TGM3: variants seen among roughly 807,000 people sequenced by gnomAD.
TGM3 encodes transglutaminase 3, also known as protein-glutamine gamma-glutamyltransferase E.
TGM3 carries 52 observed loss-of-function variants against 73.8 expected under a neutral mutation model. The ratio of observed to expected loss-of-function variants is 0.70; its 90% confidence interval spans 0.56 to 0.89. The LOEUF (loss-of-function observed/expected upper bound fraction) is 0.89, where lower values mean the gene tolerates loss of function less well. Among genes scored for constraint, TGM3 ranks in the 40% least tolerant of loss-of-function variants. The probability of loss-of-function intolerance (pLI) is 0.00; values close to 1 mark genes in which losing one functional copy is unlikely to be tolerated. For missense variants in TGM3, 928 were observed against 909.9 expected (o/e 1.02, Z -0.26); for synonymous variants, 372 against 354.9 (o/e 1.05, Z -0.54).
In TGM3 at chr20:2,332,105, G is replaced by T; in HGVS notation, c.1437G>T (p.Gln479His). The T allele has an allele frequency of 6.2e-7, 1 of 1,614,250 alleles. No homozygotes were observed. Among genetic ancestry groups the T allele is most frequent in the Admixed American group, 1.7e-5 (1 of 60,024 alleles). The part of the protein sequence containing the change: ...TSSMGLETEE[Q>H]EPSIIGKLKV... ...CAATGGGTTTGGAAACAGAGGAACA[G>T]GAGCCCAGCATCATCGGGAAGCTGA... Residue 479 changes from glutamine (Q) to histidine (H), a missense_variant, in exon 10 of 13, where the codon CAG becomes CAT. Gln to His is a conservative substitution (Grantham distance 24, BLOSUM62 0). Coordinates refer to ENST00000381458, the MANE Select transcript of TGM3 (RefSeq NM_003245.4). The surrounding 1 kb of genome is among the most constrained non-coding windows in gnomAD (Gnocchi z 4.4).
intron 1 of TGM3, among the ~76,000 whole-genome samples, chr20:2,301,725 G>C (rs1408749383): frequency 6.6e-6 from 1 of 151,546 alleles, no homozygotes; most frequent in Non-Finnish European, 1.5e-5. Flanking sequence ...TTTTGAGACG[G>C]AGTCTCCCTC....
chr20:2,305,673 G>C (rs561423413), intron 1 of TGM3, among the ~76,000 whole-genome samples: 5 of 152,316 alleles, frequency 3.3e-5, no homozygotes, highest in Admixed American at 6.5e-5. Context: ...AGGGAGCAAG[G>C]CTCGTTGGTG....
chr20:2,328,210 T>C lies in TGM3; in HGVS notation c.1178T>C (p.Val393Ala), dbSNP rs766913042. ...NFDMPFIFAE[V>A]NADRITWLYD... ...GACATGCCCTTTATCTTCGCGGAGG[T>C]TAATGCCGACCGCATCACCTGGCTG... Residue 393 changes from valine (V) to alanine (A), a missense_variant, in exon 9 of 13, where the codon GTT becomes GCT. Val to Ala is a moderately conservative substitution (Grantham distance 64, BLOSUM62 0). Coordinates refer to ENST00000381458, the MANE Select transcript of TGM3 (RefSeq NM_003245.4). This position sits in a 1 kb window ranked among gnomAD's most constrained non-coding sequence, Gnocchi z 5.2. The C allele has an allele frequency of 1.2e-6, 2 of 1,613,780 alleles. No homozygotes were observed. The highest frequency in any genetic ancestry group is 2.2e-5 in the South Asian group (2 of 91,042).
chr20:2,300,777 A>C (rs2084141567), intron 1 of TGM3, among the ~76,000 whole-genome samples: 1 of 152,178 alleles, frequency 6.6e-6, no homozygotes, highest in African/African-American at 2.4e-5. Flanking sequence ...TCTGACACAT[A>C]AGAGGTCCTC....
In TGM3 at chr20:2,335,249, G is replaced by A; in HGVS notation, c.1776G>A (p.Leu592=). ...TGGTGGTGGAGCGGGACATCATCCT[G>A]GACAACCCCACCTTGACCCTGGAGG... The part of the protein sequence containing the change: ...SEVVVERDII[L]DNPTLTLEVL... Residue 592 remains leucine (L), a synonymous_variant, in exon 11 of 13, where the codon CTG becomes CTA. Coordinates refer to ENST00000381458, the MANE Select transcript of TGM3 (RefSeq NM_003245.4). 1 of 1,614,140 alleles carries A rather than the reference G, an allele frequency of 6.2e-7. No individual in the cohort carries two copies. Among genetic ancestry groups the A allele is most frequent in the Non-Finnish European group, 8.5e-7 (1 of 1,180,028 alleles).
intron 10 of TGM3, 27 bp from the exon 11 acceptor site, chr20:2,335,089 C>A: frequency 1.2e-6 from 2 of 1,613,578 alleles, no homozygotes; most frequent in African/African-American, 1.3e-5. Context: ...CTCCCCCTCA[C>A]TCGGATCCCC....
rs1461423026 is a variant in TGM3, at chr20:2,332,046, C to G, written c.1378C>G (p.Leu460Val). ...AGTGTTCCAAAAGGCTTTGGGGAAA[C>G]TTAAACCCAACACGCCATTTGCCGC... ...RQVFQKALGK[L>V]KPNTPFAATS... The change falls in exon 10 of 13, where the codon CTT (leucine) becomes GTT (valine). Residue 460 changes from leucine (L) to valine (V), a missense_variant. Transcript: ENST00000381458. The surrounding 1 kb of genome is among the most constrained non-coding windows in gnomAD (Gnocchi z 4.4). 1.9e-6 allele frequency: 3 copies of G among 1,613,774 alleles called. No individual in the cohort carries two copies.
chr20:2,328,074 G>A lies in TGM3; in HGVS notation c.1088-46G>A, dbSNP rs750876414. On this transcript the variant is annotated intron_variant, in intron 8 of 12. Coordinates refer to ENST00000381458, the MANE Select transcript of TGM3 (RefSeq NM_003245.4). This position sits in a 1 kb window ranked among gnomAD's most constrained non-coding sequence, Gnocchi z 5.2. ...GCCCTGGGGAATCGGGCACTGGGTA[G>A]GTTGTGGCCTTGGCATATATCCAGC... 3 of 1,611,826 alleles carry A rather than the reference G, an allele frequency of 1.9e-6. No individual in the cohort carries two copies. The highest frequency in any genetic ancestry group is 1.7e-6 in the Non-Finnish European group (2 of 1,178,498).
intron 4 of TGM3, 113 bp from the exon 5 acceptor site, chr20:2,312,785 C>T: frequency 1.4e-6 from 2 of 1,459,368 alleles, no homozygotes; most frequent in Non-Finnish European, 1.9e-6. Flanking sequence ...TTCCAGAGGC[C>T]ACAGAGTCAA....
intron 1 of TGM3, among the ~76,000 whole-genome samples, chr20:2,301,724 G>A (rs935408386): frequency 4.6e-5 from 7 of 150,688 alleles, no homozygotes; most frequent in Admixed American, 1.3e-4. Flanking sequence ...TTTTTGAGAC[G>A]GAGTCTCCCT....
intron 1 of TGM3, among the ~76,000 whole-genome samples, chr20:2,303,552 T>C (rs1459389615): frequency 6.6e-6 from 1 of 152,160 alleles, no homozygotes; most frequent in East Asian, 1.9e-4. Flanking sequence ...AATTTTTATG[T>C]TGTGAATTTT....
chr20:2,315,229 C>T (rs2084227048), intron 5 of TGM3, among the ~76,000 whole-genome samples: 1 of 152,230 alleles, frequency 6.6e-6, no homozygotes, highest in Non-Finnish European at 1.5e-5. Context: ...AGCCAATTTC[C>T]TCAGCTGCAC....
At position 2,317,123 on chromosome 20, in the gene TGM3, C is replaced by T. The variant is rs751794351; in HGVS notation, c.725C>T (p.Thr242Ile). The part of the protein sequence containing the change: ...VLAGNWSGTY[T>I]GGRDPRSWNG... The stretch of plus-strand genomic sequence containing the variant: ...GCTGGGAATTGGAGCGGCACTTACA[C>T]CGGTGGCCGGGACCCAAGGAGCTGG... Residue 242 changes from threonine to isoleucine, a missense_variant, in exon 6 of 13, where the codon ACC becomes ATC. Coordinates refer to ENST00000381458, the MANE Select transcript of TGM3 (RefSeq NM_003245.4). The T allele has an allele frequency of 1.9e-6, 3 of 1,613,858 alleles. No homozygotes were observed. Among genetic ancestry groups the T allele is most frequent in the Non-Finnish European group, 2.5e-6 (3 of 1,180,018 alleles).
At chr20:2,318,226 T>TTCAAGA (rs1377237817) in intron 7 of TGM3, among the ~76,000 whole-genome samples, 1 of 151,806 alleles carries the variant, frequency 6.6e-6, no homozygotes, top group African/African-American at 2.4e-5. Context: ...ACCATGTTGG[T>TTCAAGA]CAGGCTGGTC....
At chr20:2,314,415 A>AG (rs1416457925) in intron 5 of TGM3, among the ~76,000 whole-genome samples, 2 of 152,074 alleles carry the variant, frequency 1.3e-5, no homozygotes, top group Non-Finnish European at 2.9e-5. Context: ...AGTCGTGATC[A>AG]GGCACAGTGG....
At chr20:2,308,339 T>C (rs745483197) in intron 1 of TGM3, among the ~76,000 whole-genome samples, 42 of 152,230 alleles carry the variant, frequency 2.8e-4, no homozygotes, top group Non-Finnish European at 5.6e-4. Context: ...ATCAGAGCCA[T>C]GGCCTCTGTA....
intron 1 of TGM3, among the ~76,000 whole-genome samples, chr20:2,306,633 T>C (rs1393690156): frequency 6.6e-6 from 1 of 152,070 alleles, no homozygotes; most frequent in African/African-American, 2.4e-5. Flanking sequence ...TGCGCCACCA[T>C]GCCAGGCTAA....
intron 7 of TGM3, 39 bp downstream of exon 7, chr20:2,317,524 A>G: frequency 6.2e-7 from 1 of 1,611,034 alleles, no homozygotes; most frequent in Non-Finnish European, 8.5e-7. Flanking sequence ...CGAGCACCAC[A>G]TTTGAGTGGC....
At chr20:2,330,463 T>A (rs1221092171) in intron 9 of TGM3, among the ~76,000 whole-genome samples, 2 of 152,192 alleles carry the variant, frequency 1.3e-5, no homozygotes, top group Non-Finnish European at 2.9e-5. Flanking sequence ...GCTTAGGTAA[T>A]CTGGCTGCCT....
Sources: allele counts gnomAD v4.1 joint callset (sites outside exome capture counted in the v4.1 genomes callset), GRCh38; gene constraint gnomAD v4.1.1; non-coding constraint Gnocchi (gnomAD v3.1); transcripts MANE v1.5; gene names NCBI Gene and HGNC (gene_info 2026-07-23, HGNC 2026-07-21).